Variants in HSDL2 observed in about 807,000 individuals in gnomAD.
HSDL2 encodes the protein hydroxysteroid dehydrogenase-like protein 2.
Under a neutral mutation model 46.3 loss-of-function variants are expected in HSDL2, and 27 were observed. The ratio of observed to expected loss-of-function variants is 0.58; its 90% confidence interval spans 0.43 to 0.80. HSDL2 has a LOEUF of 0.80. HSDL2 is among the 30% of genes least tolerant of loss of function. The probability of loss-of-function intolerance (pLI) is 0.00; values close to 1 mark genes in which losing one functional copy is unlikely to be tolerated. For missense variants in HSDL2, 451 were observed against 502.7 expected, an observed-to-expected ratio of 0.90 and a Z score of 0.98; for synonymous variants, 153 against 163.6, an observed-to-expected ratio of 0.94 and a Z score of 0.50.
chr9:112,385,416 C>T (rs966960939), intron 1 of HSDL2, among the ~76,000 whole-genome samples: 16 of 151,784 alleles, frequency 1.1e-4, no homozygotes, highest in Admixed American at 9.9e-4. Flanking sequence ...GCAACCTCTG[C>T]CTCTTGGGTT....
chr9:112,440,762 A>C (rs1832622099), intron 7 of HSDL2, among the ~76,000 whole-genome samples: 1 of 152,160 alleles, frequency 6.6e-6, no homozygotes, highest in African/African-American at 2.4e-5. Flanking sequence ...TAATCCCAGC[A>C]CATTGGGAGG....
intron 4 of HSDL2, among the ~76,000 whole-genome samples, chr9:112,415,182 C>T (rs554759758): frequency 2.0e-5 from 3 of 152,138 alleles, no homozygotes; most frequent in Admixed American, 1.3e-4. Flanking sequence ...CTATGTATTG[C>T]ACCCAAAGGC....
chr9:112,421,212 A>G (rs1215795202), intron 6 of HSDL2, among the ~76,000 whole-genome samples: 1 of 152,164 alleles, frequency 6.6e-6, no homozygotes, highest in Non-Finnish European at 1.5e-5. Context: ...CTGTGGTCAC[A>G]GCTTCTCGTG....
chr9:112,415,569 G>T (rs919790600), intron 4 of HSDL2, among the ~76,000 whole-genome samples: 1 of 152,152 alleles, frequency 6.6e-6, no homozygotes, highest in Non-Finnish European at 1.5e-5. Context: ...TGACCGACAA[G>T]TATATTAACT....
chr9:112,399,125 G>T (rs1444832122), intron 1 of HSDL2, among the ~76,000 whole-genome samples: 1 of 152,144 alleles, frequency 6.6e-6, no homozygotes, highest in African/African-American at 2.4e-5. Context: ...TTCAATGTAG[G>T]TTCTTTCTAT....
In HSDL2 at chr9:112,438,529, C is replaced by T; in HGVS notation, c.697C>T (p.Gln233Ter). 1 of 1,612,124 alleles carries T rather than the reference C, an allele frequency of 6.2e-7. No homozygotes were observed. The highest frequency in any genetic ancestry group is 1.1e-5 in the South Asian group (1 of 90,536). The change falls in exon 7 of 11, where the codon CAA becomes TAA. Residue 233 changes from glutamine (Q) to a stop codon, truncating the protein, a stop_gained. Coordinates refer to ENST00000398805, the MANE Select transcript of HSDL2 (RefSeq NM_032303.5). LOFTEE classifies it high-confidence loss of function. Reference sequence around the variant, plus strand: ...TGCAGATGCAGCATATTCCATTTTCCAAAAGCCAAAAAGTTTTACTGGCAA... The same window carrying T: ...TGCAGATGCAGCATATTCCATTTTCTAAAAGCCAAAAAGTTTTACTGGCAA... Reference protein sequence around the residue: ...IIADAAYSIFQKPKSFTGNFV... With the variant: ...IIADAAYSIF
chr9:112,419,152 G>T (rs1396488616), intron 6 of HSDL2, among the ~76,000 whole-genome samples, 194 bp downstream of exon 6: 1 of 141,930 alleles, frequency 7.0e-6, no homozygotes, highest in Non-Finnish European at 1.5e-5. Context: ...GGGACTATAG[G>T]TGCACACCAC....
At chr9:112,402,001 G>A (rs1831611131) in intron 1 of HSDL2, among the ~76,000 whole-genome samples, 2 of 152,110 alleles carry the variant, frequency 1.3e-5, no homozygotes, top group South Asian at 4.2e-4. Context: ...TCTTTCTTCT[G>A]GAGTGTAATC....
At position 112,431,072 on chromosome 9, in the gene HSDL2, A is replaced by T. The variant is rs1042687311; in HGVS notation, c.599-7359A>T. 4.2e-3 allele frequency among the ~76,000 whole-genome samples: 515 copies of T among 123,038 alleles called. 8 individuals are homozygous for T. The highest frequency in any genetic ancestry group is 0.016 in the African/African-American group (468 of 30,148). The allele number at this position is 123,038 out of a possible 152,430, so 80.7% of individuals were successfully genotyped here. On this transcript the variant is annotated intron_variant, in intron 6 of 10. Coordinates refer to ENST00000398805, the MANE Select transcript of HSDL2 (RefSeq NM_032303.5). ...AACTCAAAAAAAAAAAAAAAAAAAA[A>T]TTTAAAAAAAATAAAGATTTCTGGC... is the stretch of plus-strand genomic sequence containing the variant.
intron 6 of HSDL2, among the ~76,000 whole-genome samples, chr9:112,424,080 G>C (rs1438805294): frequency 6.6e-6 from 1 of 151,724 alleles, no homozygotes; most frequent in Non-Finnish European, 1.5e-5. Context: ...CAGCACTTTA[G>C]GAGGCTGAGG....
chr9:112,402,420 T>C (rs1345281866), intron 1 of HSDL2, among the ~76,000 whole-genome samples: 1 of 151,846 alleles, frequency 6.6e-6, no homozygotes, highest in Non-Finnish European at 1.5e-5. Flanking sequence ...TAACTGGGTA[T>C]GGTGGTGTGT....
chr9:112,457,154 A>C (rs1454457210), intron 9 of HSDL2, among the ~76,000 whole-genome samples: 1 of 151,670 alleles, frequency 6.6e-6, no homozygotes, highest in Non-Finnish European at 1.5e-5. Flanking sequence ...ACTCAAAAAA[A>C]GAAAGAAAAA....
chr9:112,464,592 A>G (rs1833321688), intron 10 of HSDL2, among the ~76,000 whole-genome samples: 1 of 152,166 alleles, frequency 6.6e-6, no homozygotes, highest in South Asian at 2.1e-4. Context: ...TATCATTTGA[A>G]TTAATCAGTG....
intron 9 of HSDL2, among the ~76,000 whole-genome samples, chr9:112,458,320 CTT>C (rs202071222): frequency 8.4e-6 from 1 of 119,592 alleles, no homozygotes; most frequent in East Asian, 2.3e-4. Context: ...ACCACTTCTT[CTT>C]TTTTTTTTTT....
At chr9:112,415,964 C>T (rs930501195) in intron 4 of HSDL2, among the ~76,000 whole-genome samples, 2 of 152,020 alleles carry the variant, frequency 1.3e-5, no homozygotes, top group South Asian at 2.1e-4. Flanking sequence ...AAACATTAGC[C>T]GGACGTGGTG....
intron 9 of HSDL2, among the ~76,000 whole-genome samples, chr9:112,454,983 G>A (rs576602587): frequency 1.3e-5 from 2 of 152,262 alleles, no homozygotes; most frequent in South Asian, 4.2e-4. Flanking sequence ...TGAGATTGCA[G>A]GTGTGAGCCA....
chr9:112,442,900 G>T (rs1677739675), intron 8 of HSDL2, among the ~76,000 whole-genome samples: 1 of 151,688 alleles, frequency 6.6e-6, no homozygotes, highest in Non-Finnish European at 1.5e-5. Flanking sequence ...TCTTTTTCCA[G>T]ATTTTTATGG....
At chr9:112,447,531 T>G (rs951244163) in intron 8 of HSDL2, among the ~76,000 whole-genome samples, 7 of 152,184 alleles carry the variant, frequency 4.6e-5, no homozygotes, top group African/African-American at 1.7e-4. Flanking sequence ...TGTGACAGAC[T>G]CAGTTCTCTC....
rs2065230 is a variant in HSDL2 at position 112,437,212 on chromosome 9, G to A, written c.599-1219G>A. Among the ~76,000 whole-genome samples the A allele has an allele frequency of 4.9e-4, 75 of 151,884 alleles. 1 individual carries two copies. The East Asian group carries it at 0.011, about 23-fold the overall frequency. On this transcript the variant is annotated intron_variant, in intron 6 of 10. Transcript: ENST00000398805. ...TGACCTCAAGTGATCCACCCACCTC[G>A]GCCTCCCACAGTGCCGGGATTACAG...
Sources: allele counts gnomAD v4.1 joint callset (sites outside exome capture counted in the v4.1 genomes callset), GRCh38; gene constraint gnomAD v4.1.1; transcripts MANE v1.5; gene names NCBI Gene and HGNC (gene_info 2026-07-23, HGNC 2026-07-21).